ATP8A2: variants seen among roughly 807,000 people sequenced by gnomAD.
ATP8A2 encodes ATPase phospholipid transporting 8A2, also known as phospholipid-transporting ATPase IB.
A neutral mutation model predicts 165.6 loss-of-function variants in ATP8A2; 100 were observed. The observed-to-expected ratio is 0.60, with a 90% confidence interval of 0.51 to 0.71. The LOEUF (loss-of-function observed/expected upper bound fraction) is 0.71. ATP8A2 is among the 30% of genes least tolerant of loss of function. The pLI is 0.00. For missense variants in ATP8A2, 1,227 were observed against 1,479.5 expected (o/e 0.83, Z 2.80); for synonymous variants, 543 against 548.8 (o/e 0.99, Z 0.15).
intron 2 of ATP8A2, among the ~76,000 whole-genome samples, chr13:25,475,225 T>C (rs1355903427): frequency 6.6e-6 from 1 of 152,174 alleles, no homozygotes; most frequent in Non-Finnish European, 1.5e-5. Context: ...TTTGTGTCCA[T>C]GAGTTCTCAT....
intron 27 of ATP8A2, among the ~76,000 whole-genome samples, chr13:25,804,656 A>G (rs1322678939): frequency 6.6e-6 from 1 of 152,180 alleles, no homozygotes. Flanking sequence ...CTGTTAAGAC[A>G]GAGCTTCCTT....
At chr13:25,852,775 G>A (rs1201345681) in intron 30 of ATP8A2, among the ~76,000 whole-genome samples, 1 of 151,974 alleles carries the variant, frequency 6.6e-6, no homozygotes, top group Non-Finnish European at 1.5e-5. Flanking sequence ...TCAGGAGTTC[G>A]CGGCCAGCCT....
intron 24 of ATP8A2, among the ~76,000 whole-genome samples, chr13:25,594,971 G>GGA (rs2040194507): frequency 8.8e-6 from 1 of 113,678 alleles, no homozygotes; most frequent in South Asian, 2.8e-4. Context: ...AAGAAACTGT[G>GGA]GTGTGTGTGT....
intron 30 of ATP8A2, among the ~76,000 whole-genome samples, chr13:25,842,738 AGAAG>A (rs907836398): frequency 4.0e-4 from 61 of 151,466 alleles, no homozygotes; most frequent in East Asian, 1.5e-3. Context: ...AGGGAAAGGA[AGAAG>A]GAAGGAAGGA....
intron 1 of ATP8A2, among the ~76,000 whole-genome samples, chr13:25,387,259 G>C: frequency 6.6e-6 from 1 of 152,086 alleles, no homozygotes; most frequent in Non-Finnish European, 1.5e-5. Flanking sequence ...AGCACAAATG[G>C]GTCTGTGCTG....
At chr13:25,965,114 G>A (rs1281085004) in intron 34 of ATP8A2, among the ~76,000 whole-genome samples, 3 of 152,132 alleles carry the variant, frequency 2.0e-5, no homozygotes, top group East Asian at 1.9e-4. Context: ...AGCCGAGATC[G>A]CACCAATTGC....
At chr13:25,828,304 C>A in intron 28 of ATP8A2, 112 bp downstream of exon 28, 1 of 909,850 alleles carries the variant, frequency 1.1e-6, no homozygotes. Flanking sequence ...GTATACTTAG[C>A]AGGCAGCACA....
intron 25 of ATP8A2, among the ~76,000 whole-genome samples, chr13:25,725,412 T>G (rs1047159783): frequency 3.9e-5 from 6 of 152,148 alleles, no homozygotes; most frequent in Admixed American, 3.3e-4. Flanking sequence ...GGAATCTGAG[T>G]CCTTTTCAGG....
intron 33 of ATP8A2, among the ~76,000 whole-genome samples, chr13:25,930,342 C>G (rs943320540): frequency 3.3e-5 from 5 of 152,178 alleles, no homozygotes; most frequent in African/African-American, 9.7e-5. Context: ...TTAGCTTCCC[C>G]GTAAAGCACT....
At chr13:25,513,999 GGAGGGAGAGGGA>G (rs574157605) in intron 2 of ATP8A2, among the ~76,000 whole-genome samples, 118 of 134,634 alleles carry the variant, frequency 8.8e-4, no homozygotes, top group Middle Eastern at 3.7e-3. Flanking sequence ...AGGGGGAGGG[GGAGGGAGAGGGA>G]GAGGGAGAGG....
At chr13:25,931,442 G>C (rs1954766808) in intron 33 of ATP8A2, among the ~76,000 whole-genome samples, 1 of 152,042 alleles carries the variant, frequency 6.6e-6, no homozygotes, top group African/African-American at 2.4e-5. Context: ...CTTCATTATG[G>C]CTCCTGTCCT....
chr13:25,922,671 C>CT (rs2139037295), intron 33 of ATP8A2, among the ~76,000 whole-genome samples: 1 of 152,294 alleles, frequency 6.6e-6, no homozygotes, highest in African/African-American at 2.4e-5. Context: ...TTCTCGCATT[C>CT]TTTTTCTGGC....
intron 1 of ATP8A2, among the ~76,000 whole-genome samples, chr13:25,374,947 A>G (rs2032564493): frequency 6.6e-6 from 1 of 152,192 alleles, no homozygotes; most frequent in African/African-American, 2.4e-5. Flanking sequence ...GTATATGCTG[A>G]GCTGTATACT....
rs988917381 is a variant in ATP8A2, at chr13:25,767,499, G to C, written c.2385-1547G>C. Among the ~76,000 whole-genome samples the C allele has an allele frequency of 1.8e-4, 28 of 152,314 alleles. No individual in the cohort carries two copies. In the Middle Eastern group the frequency reaches 0.014, roughly 74 times the overall value. ...TTTAGCAAGCAGCAACAGAGCTTTG[G>C]GAGGAAAGATGTGATAGCTGTTTTT... On this transcript the variant is annotated intron_variant, in intron 25 of 36. Coordinates refer to ENST00000381655, the MANE Select transcript of ATP8A2 (RefSeq NM_016529.6).
At chr13:25,756,959 T>C (rs2044275864) in intron 25 of ATP8A2, among the ~76,000 whole-genome samples, 1 of 152,214 alleles carries the variant, frequency 6.6e-6, no homozygotes, top group Non-Finnish European at 1.5e-5. Flanking sequence ...GGAGCCCCTG[T>C]ACAGCCCATC....
At chr13:25,870,173 G>A (rs566265049) in intron 33 of ATP8A2, among the ~76,000 whole-genome samples, 4 of 152,140 alleles carry the variant, frequency 2.6e-5, no homozygotes, top group Non-Finnish European at 5.9e-5. Context: ...GACGGCGCGC[G>A]GGTGCCTGTC....
chr13:25,720,980 T>C (rs952945378), intron 25 of ATP8A2, among the ~76,000 whole-genome samples: 5 of 139,424 alleles, frequency 3.6e-5, no homozygotes, highest in African/African-American at 1.2e-4. Context: ...TTTTTTTTTT[T>C]CCTGACACAG....
At chr13:25,527,414 T>G (rs112563920) in intron 2 of ATP8A2, among the ~76,000 whole-genome samples, 1,727 of 152,238 alleles carry the variant, frequency 0.011, 33 homozygotes, top group African/African-American at 0.04. Flanking sequence ...AGGAGACTGG[T>G]GTGTTCGAGA....
chr13:25,434,299 G>A (rs1164868408), intron 1 of ATP8A2, among the ~76,000 whole-genome samples: 1 of 152,066 alleles, frequency 6.6e-6, no homozygotes, highest in Non-Finnish European at 1.5e-5. Flanking sequence ...CCTAAGGTGT[G>A]ATGAGAAGCA....
Sources: allele counts gnomAD v4.1 joint callset (sites outside exome capture counted in the v4.1 genomes callset), GRCh38; gene constraint gnomAD v4.1.1; transcripts MANE v1.5; gene names NCBI Gene and HGNC (gene_info 2026-07-23, HGNC 2026-07-21).